Variants in PRDM11 observed in about 807,000 individuals in gnomAD.
PRDM11 encodes the protein PR domain-containing protein 11.
Under a neutral mutation model 97.8 loss-of-function variants are expected in PRDM11, and 20 were observed. That is an observed-to-expected ratio of 0.20 (90% CI 0.14 to 0.30). The LOEUF (loss-of-function observed/expected upper bound fraction) is 0.30. PRDM11 is among the 10% of genes least tolerant of loss of function. The pLI is 1.00. For missense variants in PRDM11, 1,139 were observed against 1,555.2 expected (o/e 0.73, Z 4.50); for synonymous variants, 599 against 637.7 (o/e 0.94, Z 0.91).
chr11:45,225,039 C>T lies in PRDM11; in HGVS notation c.1369+196C>T. 2.8e-6 allele frequency: 4 copies of T among 1,448,216 alleles called. No homozygotes were observed. In the South Asian group the frequency reaches 5.9e-5, roughly 21 times the overall value. 89.7% of individuals were successfully genotyped at this position (1,448,216 alleles called of 1,614,324 possible). A position where few individuals can be genotyped will look rare whatever the true frequency, so the allele number is the denominator to read the frequency against. On this transcript the variant is annotated intron_variant, in intron 7 of 7. Transcript: ENST00000683152. Reference sequence around the variant, plus strand: ...CCCATCGGCAGCTCTGCCAGGTGCTCCATGTGTTGCCCTTGTATCCTCCTT... The same window carrying T: ...CCCATCGGCAGCTCTGCCAGGTGCTTCATGTGTTGCCCTTGTATCCTCCTT...
chr11:45,111,295 C>T (rs1305957527), intron 1 of PRDM11, among the ~76,000 whole-genome samples: 1 of 97,266 alleles, frequency 1.0e-5, no homozygotes, highest in Non-Finnish European at 2.9e-5. Context: ...GATATTTACT[C>T]GTCTTCTTTG....
chr11:45,198,738 G>A (rs568861130), intron 4 of PRDM11, among the ~76,000 whole-genome samples: 3 of 152,200 alleles, frequency 2.0e-5, no homozygotes, highest in African/African-American at 7.2e-5. Flanking sequence ...TCAGAGAGGG[G>A]CCCAGAAGAG....
At chr11:45,117,797 T>C (rs1196782591) in intron 1 of PRDM11, among the ~76,000 whole-genome samples, 1 of 152,140 alleles carries the variant, frequency 6.6e-6, no homozygotes, top group Non-Finnish European at 1.5e-5. Flanking sequence ...CCCCACTCTT[T>C]AGGTATTGGC....
At chr11:45,109,127 C>T (rs1470196668) in intron 1 of PRDM11, among the ~76,000 whole-genome samples, 1 of 152,214 alleles carries the variant, frequency 6.6e-6, no homozygotes, top group Admixed American at 6.5e-5. Flanking sequence ...AAGGTTGAGT[C>T]TGACTTTTCA....
chr11:45,122,202 G>GACACACACAC (rs756403475), intron 1 of PRDM11, among the ~76,000 whole-genome samples: 143 of 145,132 alleles, frequency 9.9e-4, no homozygotes, highest in African/African-American at 2.9e-3. Flanking sequence ...CACACACACA[G>GACACACACAC]ACACACACAC....
At position 45,227,563 on chromosome 11, in the gene PRDM11, C is replaced by A. The variant is rs774670776; in HGVS notation, c.2938C>A (p.Arg980=). 2.6e-6 allele frequency: 4 copies of A among 1,533,878 alleles called. No homozygotes were observed. Among genetic ancestry groups the A allele is most frequent in the Non-Finnish European group, 3.5e-6 (4 of 1,146,734 alleles). The part of the protein sequence containing the change: ...ILAQRFDSRS[R]IFVKACQVFD... ...GGCTCAGAGGTTCGACTCCCGCAGC[C>A]GGATCTTTGTGAAGGCCTGCCAGGT... The change falls in exon 8 of 8, where the codon CGG becomes AGG. Residue 980 remains arginine (R), a synonymous_variant. Transcript: ENST00000683152. This position sits in a 1 kb window ranked among gnomAD's most constrained non-coding sequence, Gnocchi z 8.0.
upstream of PRDM11, among the ~76,000 whole-genome samples, chr11:45,142,296 G>C (rs1259809261): frequency 2.0e-5 from 3 of 152,110 alleles, no homozygotes; most frequent in African/African-American, 7.2e-5. Context: ...ACTGCACCCT[G>C]GGCACACTAG....
intron 1 of PRDM11, among the ~76,000 whole-genome samples, chr11:45,121,769 T>A (rs1440430622): frequency 6.6e-6 from 1 of 152,126 alleles, no homozygotes; most frequent in Middle Eastern, 3.2e-3. Context: ...TGGAGTTAAT[T>A]AGAAATCTAT....
chr11:45,219,223 T>C lies in PRDM11; in HGVS notation c.555-347T>C, dbSNP rs1854040816. ...CCAGTGGTTAAAAGTTAGTGAAGAG[T>C]AGAAGAGATAACCTTTCAGTTTTTC... On this transcript the variant is annotated intron_variant, in intron 5 of 7. Transcript: ENST00000683152. The surrounding 1 kb of genome is among the most constrained non-coding windows in gnomAD (Gnocchi z 4.2). Among the ~76,000 whole-genome samples the C allele has an allele frequency of 6.6e-6, 1 of 152,096 alleles. No homozygotes were observed. The highest frequency in any genetic ancestry group is 1.5e-5 in the Non-Finnish European group (1 of 68,010).
rs1854378092 is a variant in PRDM11, at chr11:45,230,433, A to G, written c.*2274A>G. The G allele has an allele frequency of 6.6e-6, 1 of 152,032 alleles. No homozygotes were observed. The highest frequency in any genetic ancestry group is 6.5e-5 in the Admixed American group (1 of 15,270). 9.4% of individuals were successfully genotyped at this position (152,032 alleles called of 1,614,324 possible). Reference sequence around the variant, plus strand: ...ATTCCCAGCCCCATTCCACTTCCCCACTTTAAACTGATGTCTCCCTCCATC... The same window carrying G: ...ATTCCCAGCCCCATTCCACTTCCCCGCTTTAAACTGATGTCTCCCTCCATC... On this transcript the variant is annotated 3_prime_UTR_variant, in exon 8 of 8. Transcript: ENST00000683152.
intron 4 of PRDM11, among the ~76,000 whole-genome samples, chr11:45,183,773 G>A (rs534556711): frequency 1.8e-4 from 28 of 152,248 alleles, no homozygotes; most frequent in African/African-American, 6.7e-4. Context: ...GGGGAGGGTG[G>A]GGTAATAGAG....
chr11:45,109,637 GAAC>G (rs1852132493), intron 1 of PRDM11, among the ~76,000 whole-genome samples: 2 of 152,172 alleles, frequency 1.3e-5, no homozygotes, highest in Admixed American at 1.3e-4. Context: ...GTGGGAGATG[GAAC>G]AGGGCAGATT....
intron 4 of PRDM11, among the ~76,000 whole-genome samples, chr11:45,184,323 G>A (rs1386321883): frequency 6.6e-6 from 1 of 152,188 alleles, no homozygotes; most frequent in Non-Finnish European, 1.5e-5. Flanking sequence ...AGGAGTTGGG[G>A]GAGTGACTTG....
chr11:45,140,333 C>A (rs547163702), intron 1 of PRDM11, among the ~76,000 whole-genome samples: 33 of 152,320 alleles, frequency 2.2e-4, no homozygotes, highest in African/African-American at 7.9e-4. Flanking sequence ...CAGGATCTGA[C>A]TGTAGTCCCC....
At chr11:45,095,182 A>G (rs1590332551), upstream of PRDM11, among the ~76,000 whole-genome samples, 2 of 152,144 alleles carry the variant, frequency 1.3e-5, no homozygotes, top group East Asian at 3.9e-4. Context: ...CCCCAAAAGA[A>G]GGTGACAGCG....
At chr11:45,223,613 A>T (rs992826116) in intron 6 of PRDM11, among the ~76,000 whole-genome samples, 20 of 152,228 alleles carry the variant, frequency 1.3e-4, no homozygotes, top group African/African-American at 4.8e-4. Flanking sequence ...AGAACAACAG[A>T]AGTTCAGATC....
intron 1 of PRDM11, among the ~76,000 whole-genome samples, chr11:45,177,495 C>T (rs1009895168): frequency 8.5e-5 from 13 of 152,130 alleles, no homozygotes; most frequent in African/African-American, 3.1e-4. Context: ...CATGTTCTCC[C>T]TCTCTCTCTC....
At chr11:45,149,061 T>G (rs1851596390) in intron 1 of PRDM11, among the ~76,000 whole-genome samples, 1 of 152,020 alleles carries the variant, frequency 6.6e-6, no homozygotes, top group Non-Finnish European at 1.5e-5. Flanking sequence ...CCAGATAACT[T>G]TATCCTCTCA....
intron 4 of PRDM11, among the ~76,000 whole-genome samples, chr11:45,203,051 G>A (rs188507503): frequency 5.3e-5 from 8 of 152,166 alleles, no homozygotes; most frequent in Admixed American, 2.6e-4. Context: ...GAGCTGGTGC[G>A]GGACATGATC....
Sources: gnomAD v4.1 joint callset for allele counts (sites outside exome capture counted in the v4.1 genomes callset) on GRCh38, gnomAD v4.1.1 for gene constraint, Gnocchi (gnomAD v3.1) non-coding constraint, MANE v1.5 for transcripts, NCBI Gene and HGNC (gene_info 2026-07-23, HGNC 2026-07-21) for gene names.